Variants in CCSER1 observed in about 807,000 individuals in gnomAD.
CCSER1 encodes the protein coiled-coil serine rich protein 1.
In CCSER1, 41 loss-of-function variants were observed where a neutral mutation model predicts 82.0. The observed-to-expected ratio is 0.50, with a 90% CI of 0.39 to 0.65. The LOEUF (loss-of-function observed/expected upper bound fraction) is 0.65, where lower values mean the gene tolerates loss of function less well. CCSER1 is among the 30% of genes least tolerant of loss of function. The pLI is 0.00. For missense variants in CCSER1, 1,119 were observed against 1,064.2 expected, an observed-to-expected ratio of 1.05 and a Z score of -0.72; for synonymous variants, 414 against 383.9, an observed-to-expected ratio of 1.08 and a Z score of -0.92.
At chr4:90,981,202 G>A (rs933885427) in intron 9 of CCSER1, among the ~76,000 whole-genome samples, 1 of 151,770 alleles carries the variant, frequency 6.6e-6, no homozygotes, top group Non-Finnish European at 1.5e-5. Context: ...TAACATATTT[G>A]ACAATGCAAA....
intron 10 of CCSER1, among the ~76,000 whole-genome samples, chr4:91,237,428 T>G (rs188712958): frequency 3.2e-4 from 48 of 151,436 alleles, no homozygotes; most frequent in Non-Finnish European, 5.0e-4. Flanking sequence ...ATATATAAAC[T>G]TGGTTTACTC....
intron 7 of CCSER1, chr4:90,725,125 T>C (rs961770180): frequency 2.2e-5 from 6 of 269,058 alleles, no homozygotes; most frequent in Non-Finnish European, 3.8e-5. Context: ...AATGAGAAAA[T>C]AATACTAATG....
chr4:91,487,719 T>C (rs1239292612), intron 10 of CCSER1, among the ~76,000 whole-genome samples: 1 of 152,070 alleles, frequency 6.6e-6, no homozygotes, highest in Non-Finnish European at 1.5e-5. Flanking sequence ...ATCAATTCAT[T>C]CACTTGAATA....
chr4:91,093,407 G>T (rs995807852), intron 10 of CCSER1, among the ~76,000 whole-genome samples: 4 of 152,228 alleles, frequency 2.6e-5, no homozygotes, highest in African/African-American at 9.6e-5. Flanking sequence ...GACCTCAATG[G>T]TTATGCGGGG....
At chr4:91,254,410 C>G (rs774571195) in intron 10 of CCSER1, among the ~76,000 whole-genome samples, 10 of 152,106 alleles carry the variant, frequency 6.6e-5, no homozygotes, top group Non-Finnish European at 1.3e-4. Flanking sequence ...ATGGATCAAT[C>G]TAGACAACAT....
At chr4:90,604,633 G>C (rs1048894393) in intron 5 of CCSER1, among the ~76,000 whole-genome samples, 10 of 152,210 alleles carry the variant, frequency 6.6e-5, no homozygotes, top group African/African-American at 2.4e-4. Context: ...CTGGGCTCCT[G>C]AGTCAGGTGG....
intron 9 of CCSER1, among the ~76,000 whole-genome samples, chr4:91,069,597 TAGTC>T (rs1471599713): frequency 6.6e-6 from 1 of 152,172 alleles, no homozygotes; most frequent in Admixed American, 6.5e-5. Flanking sequence ...GTGAGAAGAA[TAGTC>T]AGTACACAAA....
chr4:90,384,652 C>T (rs1037436356), intron 3 of CCSER1, among the ~76,000 whole-genome samples: 5 of 152,108 alleles, frequency 3.3e-5, no homozygotes, highest in African/African-American at 9.7e-5. Flanking sequence ...CTCTAACTTC[C>T]TCTTGGAGCC....
chr4:90,507,751 G>T (rs1465858398), intron 5 of CCSER1, among the ~76,000 whole-genome samples: 2 of 151,958 alleles, frequency 1.3e-5, no homozygotes, highest in Non-Finnish European at 2.9e-5. Flanking sequence ...CCTCTAAATT[G>T]TGAATGCCAG....
chr4:91,016,846 G>C (rs1295280789), intron 9 of CCSER1, among the ~76,000 whole-genome samples: 1 of 152,068 alleles, frequency 6.6e-6, no homozygotes, highest in Non-Finnish European at 1.5e-5. Flanking sequence ...ATTTTCTTTA[G>C]TTAAATAGTT....
At chr4:91,085,886 C>T in intron 9 of CCSER1, 64 bp from the exon 10 acceptor site, 1 of 906,012 alleles carries the variant, frequency 1.1e-6, no homozygotes, top group Non-Finnish European at 1.7e-6. Context: ...AATTATTGCA[C>T]TAATATGAAT....
chr4:90,225,868 G>T (rs1412248140), intron 1 of CCSER1, among the ~76,000 whole-genome samples: 16 of 152,184 alleles, frequency 1.1e-4, no homozygotes, highest in African/African-American at 2.4e-5. Context: ...CTCTCATCAA[G>T]AAGTGGGATC....
At chr4:90,876,541 G>C (rs1415081334) in intron 8 of CCSER1, among the ~76,000 whole-genome samples, 3 of 152,022 alleles carry the variant, frequency 2.0e-5, no homozygotes, top group African/African-American at 7.2e-5. Context: ...AACAAAATGA[G>C]AACCCAAATA....
chr4:91,378,179 A>G (rs1750575877), intron 10 of CCSER1, among the ~76,000 whole-genome samples: 1 of 152,194 alleles, frequency 6.6e-6, no homozygotes, highest in Non-Finnish European at 1.5e-5. Context: ...GAAGTCAGGT[A>G]GCGTGATGCC....
At chr4:91,492,519 C>T (rs1376936284) in intron 10 of CCSER1, among the ~76,000 whole-genome samples, 5 of 152,184 alleles carry the variant, frequency 3.3e-5, no homozygotes, top group South Asian at 2.1e-4. Context: ...GTATATCCCC[C>T]AGATAAGTCC....
chr4:91,599,246 G>A lies in CCSER1; in HGVS notation c.*189G>A. 1 of 647,232 alleles carries A rather than the reference G, an allele frequency of 1.5e-6. No homozygotes were observed. Among genetic ancestry groups the A allele is most frequent in the South Asian group, 2.9e-5 (1 of 34,566 alleles). The allele number at this position is 647,232 out of a possible 1,614,324, so 40.1% of individuals were successfully genotyped here. A position where few individuals can be genotyped will look rare whatever the true frequency, so the allele number is the denominator to read the frequency against. On this transcript the variant is annotated 3_prime_UTR_variant, in exon 11 of 11. Coordinates refer to ENST00000509176, the MANE Select transcript of CCSER1 (RefSeq NM_001145065.2). The stretch of plus-strand genomic sequence containing the variant: ...TTTTTTTCCAAGAGTGAAAGTTTGA[G>A]CATGTTAATTGAACTAGGTTGCATT...
chr4:91,037,197 C>T (rs888808855), intron 9 of CCSER1, among the ~76,000 whole-genome samples: 31 of 151,770 alleles, frequency 2.0e-4, no homozygotes, highest in African/African-American at 7.3e-4. Flanking sequence ...CCCTTCTGTC[C>T]CCCAACACAC....
chr4:90,434,935 G>A (rs1433678883), intron 4 of CCSER1, among the ~76,000 whole-genome samples: 1 of 152,106 alleles, frequency 6.6e-6, no homozygotes, highest in African/African-American at 2.4e-5. Flanking sequence ...CAACAATGTG[G>A]TTGGTATTGG....
At chr4:91,130,747 A>G (rs778575061) in intron 10 of CCSER1, among the ~76,000 whole-genome samples, 4 of 151,898 alleles carry the variant, frequency 2.6e-5, no homozygotes, top group Non-Finnish European at 5.9e-5. Context: ...AGAAGTAATT[A>G]CCAACTGTTC....
Sources: gnomAD v4.1 joint callset for allele counts (sites outside exome capture counted in the v4.1 genomes callset) on GRCh38, gnomAD v4.1.1 for gene constraint, MANE v1.5 for transcripts, NCBI Gene and HGNC (gene_info 2026-07-23, HGNC 2026-07-21) for gene names.